The following FRAS1 variants were observed in gnomAD, a reference collection of about 807,000 sequenced individuals.
FRAS1 encodes the protein extracellular matrix organizing protein FRAS1.
Under a neutral mutation model 435.2 loss-of-function variants are expected in FRAS1, and 290 were observed. The ratio of observed to expected loss-of-function variants is 0.67; its 90% CI spans 0.61 to 0.73. The LOEUF (loss-of-function observed/expected upper bound fraction) is 0.73, where lower values mean the gene tolerates loss of function less well. Among genes scored for constraint, FRAS1 ranks in the 30% least tolerant of loss-of-function variants. The probability of loss-of-function intolerance (pLI) is 0.00; values close to 1 mark genes in which losing one functional copy is unlikely to be tolerated. For synonymous variants in FRAS1, 1,800 were observed against 1,851.0 expected (o/e 0.97, Z 0.71); for missense variants, 4,860 against 5,001.5 (o/e 0.97, Z 0.85).
Position 78,285,623 on chromosome 4 carries a change from G to C in FRAS1, c.1400-782G>C, listed in dbSNP as rs112285024. Among the ~76,000 whole-genome samples, 399 of 151,862 alleles carry C rather than the reference G, an allele frequency of 2.6e-3. 1 individual carries two copies. The highest frequency in any genetic ancestry group is 9.3e-3 in the African/African-American group (384 of 41,458). On this transcript the variant is annotated intron_variant, in intron 13 of 73. Coordinates refer to ENST00000512123, the MANE Select transcript of FRAS1 (RefSeq NM_025074.7). Reference sequence around the variant, plus strand: ...ATTTTCATATTTTTAGTAGAGATAGGGTTTTGCCGTGTTGGCCAGGCTGGT... The same window carrying C: ...ATTTTCATATTTTTAGTAGAGATAGCGTTTTGCCGTGTTGGCCAGGCTGGT...
intron 2 of FRAS1, among the ~76,000 whole-genome samples, chr4:78,144,330 ACT>A (rs1206736527): frequency 6.6e-6 from 1 of 151,994 alleles, no homozygotes; most frequent in East Asian, 1.9e-4. Flanking sequence ...TTCTGATGAG[ACT>A]CTGTTATGTG....
intron 60 of FRAS1, 148 bp downstream of exon 60, chr4:78,497,109 A>G (rs569482027): frequency 2.9e-6 from 2 of 694,658 alleles, no homozygotes; most frequent in Middle Eastern, 4.1e-4. Context: ...TGTTGGTGGC[A>G]AATGATCTCC....
intron 14 of FRAS1, among the ~76,000 whole-genome samples, chr4:78,303,537 G>T (rs1242591788): frequency 2.0e-5 from 3 of 152,168 alleles, no homozygotes; most frequent in Admixed American, 1.3e-4. Flanking sequence ...ACTTCCTTGA[G>T]CAGTGGTTTG....
rs1002394318 is a variant in FRAS1, at chr4:78,543,131, T to C, written c.*2007T>C. The C allele has an allele frequency of 6.6e-6, 1 of 152,194 alleles. No homozygotes were observed. Among genetic ancestry groups the C allele is most frequent in the Non-Finnish European group, 1.5e-5 (1 of 68,032 alleles). 9.4% of individuals were successfully genotyped at this position (152,194 alleles called of 1,614,324 possible). On this transcript the variant is annotated 3_prime_UTR_variant, in exon 74 of 74. Coordinates refer to ENST00000512123, the MANE Select transcript of FRAS1 (RefSeq NM_025074.7). ...AAACTCCTGACTGGTCAGGTGCTAC[T>C]TAAGACCAGCTTGGGCAATTCAGGG...
intron 20 of FRAS1, among the ~76,000 whole-genome samples, chr4:78,360,459 T>C (rs1319332811): frequency 6.6e-6 from 1 of 152,010 alleles, no homozygotes; most frequent in Admixed American, 6.6e-5. Context: ...GAAGTTAAGG[T>C]TGAAAAGAGA....
intron 18 of FRAS1, chr4:78,319,426 C>T (rs1298472144): frequency 2.2e-6 from 1 of 457,004 alleles, no homozygotes; most frequent in Non-Finnish European, 4.4e-6. Context: ...ATATCATCTA[C>T]AGAGAATTGA....
At chr4:78,205,191 C>CTTTTTTTT (rs33943058) in intron 2 of FRAS1, among the ~76,000 whole-genome samples, 2 of 138,974 alleles carry the variant, frequency 1.4e-5, no homozygotes, top group African/African-American at 2.6e-5. Flanking sequence ...TCTTTCCTTC[C>CTTTTTTTT]TTTTTTTTTT....
intron 20 of FRAS1, 72 bp from the exon 21 acceptor site, chr4:78,363,441 C>A (rs1350138217): frequency 7.0e-7 from 1 of 1,432,276 alleles, no homozygotes; most frequent in South Asian, 1.4e-5. Flanking sequence ...TCTCTTCTGC[C>A]CTTCTGTGCA....
intron 45 of FRAS1, among the ~76,000 whole-genome samples, chr4:78,451,455 G>A (rs1045865818): frequency 6.6e-6 from 1 of 152,166 alleles, no homozygotes; most frequent in Non-Finnish European, 1.5e-5. Flanking sequence ...TTACACATGG[G>A]CAGTTTTGTG....
At chr4:78,272,673 C>G (rs1433521217) in intron 9 of FRAS1, among the ~76,000 whole-genome samples, 2 of 152,118 alleles carry the variant, frequency 1.3e-5, no homozygotes, top group Non-Finnish European at 2.9e-5. Context: ...TGGTCTATAT[C>G]TCTGTTTTGG....
chr4:78,298,030 C>CTATA (rs61446216), intron 14 of FRAS1, among the ~76,000 whole-genome samples: 3,004 of 103,900 alleles, frequency 0.029, 69 homozygotes, highest in Non-Finnish European at 0.046. Flanking sequence ...CTCTCTCTCT[C>CTATA]TATATATATA....
intron 22 of FRAS1, among the ~76,000 whole-genome samples, chr4:78,368,347 A>G (rs1157910250): frequency 6.8e-6 from 1 of 146,728 alleles, no homozygotes; most frequent in Non-Finnish European, 1.5e-5. Context: ...TTTTTTTTTC[A>G]GGGAGGTAAT....
At chr4:78,536,150 C>T (rs1302514714) in intron 71 of FRAS1, among the ~76,000 whole-genome samples, 1 of 151,380 alleles carries the variant, frequency 6.6e-6, no homozygotes, top group Non-Finnish European at 1.5e-5. Context: ...CGGCCTACAC[C>T]AGGGCTTACA....
At chr4:78,141,918 C>T (rs1033065690) in intron 2 of FRAS1, among the ~76,000 whole-genome samples, 19 of 152,002 alleles carry the variant, frequency 1.2e-4, no homozygotes, top group South Asian at 4.2e-4. Flanking sequence ...CTCACTGGTA[C>T]GTGGGAGCTA....
At position 78,315,703 on chromosome 4, in the gene FRAS1, G is replaced by A; in HGVS notation, c.1788G>A (p.Gly596=). 6.2e-7 allele frequency: 1 copy of A among 1,613,986 alleles called. No individual in the cohort carries two copies. The highest frequency in any genetic ancestry group is 8.5e-7 in the Non-Finnish European group (1 of 1,179,882). The change falls in exon 16 of 74, where the codon GGG becomes GGA. Residue 596 remains glycine (G), a synonymous_variant. Coordinates refer to ENST00000512123, the MANE Select transcript of FRAS1 (RefSeq NM_025074.7). The part of the protein sequence containing the change: ...DGKCMSECPG[G]YYADATGRCK... ...AATGCATGTCTGAATGCCCTGGCGG[G>A]TACTATGCTGATGCCACTGGCAGGT...
intron 35 of FRAS1, 51 bp from the exon 36 acceptor site, chr4:78,429,044 C>CTGTGTG (rs1553958945): frequency 7.2e-7 from 1 of 1,386,122 alleles, no homozygotes; most frequent in Non-Finnish European, 9.6e-7. Context: ...GTGTGCGTGT[C>CTGTGTG]TCTGTGTGTG....
chr4:78,370,539 CCCA>C (rs1275335340), intron 23 of FRAS1, among the ~76,000 whole-genome samples: 1 of 151,960 alleles, frequency 6.6e-6, no homozygotes, highest in Non-Finnish European at 1.5e-5. Flanking sequence ...TTCAGCAGTC[CCCA>C]CCATTCCCTT....
chr4:78,121,910 C>A (rs1258301210), intron 2 of FRAS1, among the ~76,000 whole-genome samples: 7 of 152,150 alleles, frequency 4.6e-5, no homozygotes, highest in Non-Finnish European at 1.0e-4. Context: ...GGCCAGGATA[C>A]ATGTTTGTTT....
In FRAS1 at chr4:78,106,019, C is replaced by G. The variant is rs796117691; in HGVS notation, c.108+40003C>G. Among the ~76,000 whole-genome samples the G allele has an allele frequency of 3.7e-4, 49 of 133,470 alleles. 6 individuals carry two copies. Among genetic ancestry groups the G allele is most frequent in the African/African-American group, 1.4e-3 (47 of 34,362 alleles). 87.6% of individuals were successfully genotyped at this position (133,470 alleles called of 152,430 possible). On this transcript the variant is annotated intron_variant, in intron 2 of 73. Coordinates refer to ENST00000512123, the MANE Select transcript of FRAS1 (RefSeq NM_025074.7). ...CCTGGAAAATCGGGTCACTCCCACCCGAATATTGCGCTTTTCAGACCGGCT... is the reference window on the plus strand; with the variant it reads ...CCTGGAAAATCGGGTCACTCCCACCGGAATATTGCGCTTTTCAGACCGGCT...
Sources: gnomAD v4.1 joint callset for allele counts (sites outside exome capture counted in the v4.1 genomes callset) on GRCh38, gnomAD v4.1.1 for gene constraint, MANE v1.5 for transcripts, NCBI Gene and HGNC (gene_info 2026-07-23, HGNC 2026-07-21) for gene names.